The following FAAH2 variants were observed in gnomAD, a reference collection of about 807,000 sequenced individuals.
FAAH2 encodes fatty-acid amide hydrolase 2.
Under a neutral mutation model 36.9 loss-of-function variants are expected in FAAH2, and 60 were observed. The ratio of observed to expected loss-of-function variants is 1.63; its 90% CI spans 1.32 to 2.02. The LOEUF (loss-of-function observed/expected upper bound fraction) is 2.02. Ranked by LOEUF, FAAH2 falls within the 30% of genes most tolerant of loss-of-function variation. The probability of loss-of-function intolerance (pLI) is 0.00; values close to 1 mark genes in which losing one functional copy is unlikely to be tolerated. For missense variants in FAAH2, 689 were observed against 397.5 expected (o/e 1.73, Z -6.23); for synonymous variants, 214 against 143.8 (o/e 1.49, Z -3.49).
the FAAH2 span, among the ~76,000 whole-genome samples, chrX:57,248,794 C>CT: frequency 0.012 from 530 of 44,175 alleles, 13 homozygotes; most frequent in Non-Finnish European, 0.017. Context: ...AATAGTGTGT[C>CT]TTTTTTTTTT....
chrX:57,271,172 G>A, the FAAH2 span, among the ~76,000 whole-genome samples: 1 of 112,489 alleles, frequency 8.9e-6, no homozygotes, highest in Non-Finnish European at 1.9e-5. Flanking sequence ...CATTGCTGAG[G>A]CTTGAATAAG....
intron 5 of FAAH2, among the ~76,000 whole-genome samples, chrX:57,352,020 G>GTGTA (rs200784566): frequency 2.6e-4 from 2 of 7,769 alleles, no homozygotes; most frequent in Non-Finnish European, 3.7e-3. Flanking sequence ...ATGTGTGTGT[G>GTGTA]TATATATATA....
rs767782104 is a variant in FAAH2 at position 57,438,068 on chromosome X, TATAC to T, written c.1116+6041_1116+6044del. Among the ~76,000 whole-genome samples, 263 of 104,756 alleles carry T rather than the reference TATAC, an allele frequency of 2.5e-3. 3 individuals carry two copies. The highest frequency in any genetic ancestry group is 8.5e-3 in the African/African-American group (250 of 29,429). 91.0% of individuals were successfully genotyped at this position (104,756 alleles called of 115,157 possible). On this transcript the variant is annotated intron_variant, in intron 8 of 10. Transcript: ENST00000374900. ...ATACACATATATACGTATATATGTA[TATAC>T]ATACATACACGTGTATATATGTATT...
At chrX:57,174,732 C>T in the FAAH2 span, among the ~76,000 whole-genome samples, 1 of 111,640 alleles carries the variant, frequency 9.0e-6, no homozygotes, top group Non-Finnish European at 1.9e-5. Flanking sequence ...AAAGTTTCCT[C>T]TTAGCCCTGC....
intron 5 of FAAH2, among the ~76,000 whole-genome samples, chrX:57,345,292 T>A (rs986880244): frequency 9.1e-6 from 1 of 110,139 alleles, no homozygotes; most frequent in Non-Finnish European, 1.9e-5. Flanking sequence ...AGGTTTTTTT[T>A]AATTACTGAA....
the FAAH2 span, among the ~76,000 whole-genome samples, chrX:57,162,112 G>A: frequency 3.6e-5 from 4 of 110,963 alleles, no homozygotes; most frequent in East Asian, 2.8e-4. Flanking sequence ...TTTCTCCTTT[G>A]CTTATGAAGC....
chrX:57,299,085 T>C (rs936589373), intron 2 of FAAH2, among the ~76,000 whole-genome samples: 2 of 111,161 alleles, frequency 1.8e-5, no homozygotes, highest in African/African-American at 6.6e-5. Context: ...AAATAGGGAA[T>C]CCTCCCTAAC....
the FAAH2 span, among the ~76,000 whole-genome samples, chrX:57,207,076 G>A: frequency 9.1e-6 from 1 of 110,496 alleles, no homozygotes; most frequent in South Asian, 3.9e-4. Context: ...TGAGAACTTT[G>A]TCTTTCTGCT....
At chrX:57,412,850 A>G (rs780211640) in intron 7 of FAAH2, among the ~76,000 whole-genome samples, 1 of 112,111 alleles carries the variant, frequency 8.9e-6, no homozygotes, top group South Asian at 3.7e-4. Context: ...ACACTGTAAA[A>G]GCGTTCCTAT....
chrX:57,301,131 T>G (rs990798611), intron 2 of FAAH2, among the ~76,000 whole-genome samples: 3 of 108,967 alleles, frequency 2.8e-5, no homozygotes, highest in East Asian at 2.9e-4. Context: ...CAAAGGATTA[T>G]AAATCATGCT....
At chrX:57,201,767 C>T in the FAAH2 span, among the ~76,000 whole-genome samples, 1 of 111,249 alleles carries the variant, frequency 9.0e-6, no homozygotes, top group South Asian at 3.8e-4. Context: ...TCTATAAGAC[C>T]AGTAACTCTT....
At chrX:57,334,227 GC>G (rs2053483479) in intron 4 of FAAH2, among the ~76,000 whole-genome samples, 1 of 102,549 alleles carries the variant, frequency 9.8e-6, no homozygotes, top group Admixed American at 1.1e-4. Context: ...CCGAGATCAT[GC>G]CACTGCACTC....
chrX:57,238,204 C>T, the FAAH2 span, among the ~76,000 whole-genome samples: 4 of 111,784 alleles, frequency 3.6e-5, no homozygotes, highest in African/African-American at 1.3e-4. Context: ...TGCTTATGTT[C>T]ACTGCAGCAC....
At chrX:57,340,646 A>T (rs775073650) in intron 4 of FAAH2, among the ~76,000 whole-genome samples, 1 of 111,947 alleles carries the variant, frequency 8.9e-6, no homozygotes, top group Non-Finnish European at 1.9e-5. Flanking sequence ...TTGCAGGGAC[A>T]TGGATGGAGC....
chrX:57,486,836 G>T, intron 10 of FAAH2, among the ~76,000 whole-genome samples: 1 of 111,705 alleles, frequency 9.0e-6, no homozygotes, highest in Non-Finnish European at 1.9e-5. Context: ...CTGTTCTGTG[G>T]CTGGAGGGGC....
At chrX:57,348,348 G>GTTCCCA (rs1336692551) in intron 5 of FAAH2, among the ~76,000 whole-genome samples, 1 of 111,033 alleles carries the variant, frequency 9.0e-6, no homozygotes, top group Admixed American at 9.6e-5. Flanking sequence ...CATAATGCTT[G>GTTCCCA]GGAACCAGAA....
At chrX:57,307,306 C>T (rs1218748833) in intron 2 of FAAH2, among the ~76,000 whole-genome samples, 2 of 108,485 alleles carry the variant, frequency 1.8e-5, no homozygotes, top group Non-Finnish European at 3.8e-5. Flanking sequence ...AATGCAGTAG[C>T]TAATTGCATA....
At chrX:57,354,320 G>A (rs1381372584) in intron 5 of FAAH2, among the ~76,000 whole-genome samples, 1 of 110,748 alleles carries the variant, frequency 9.0e-6, no homozygotes, top group Non-Finnish European at 1.9e-5. Flanking sequence ...AGCAAAACAT[G>A]CCCGTTACAG....
intron 2 of FAAH2, among the ~76,000 whole-genome samples, chrX:57,300,639 C>G (rs1395604657): frequency 9.0e-6 from 1 of 111,721 alleles, no homozygotes; most frequent in South Asian, 3.7e-4. Flanking sequence ...AGCTCCTGCA[C>G]AGCAAAAGAA....
Sources: allele counts gnomAD v4.1 joint callset (sites outside exome capture counted in the v4.1 genomes callset), GRCh38; gene constraint gnomAD v4.1.1; transcripts MANE v1.5; gene names NCBI Gene and HGNC (gene_info 2026-07-23, HGNC 2026-07-21).